The following KLF7 variants were observed in gnomAD, a reference collection of about 807,000 sequenced individuals.
KLF7 encodes KLF transcription factor 7.
Under a neutral mutation model 27.3 loss-of-function variants are expected in KLF7, and 2 were observed. The ratio of observed to expected loss-of-function variants is 0.07; its 90% CI spans 0.03 to 0.23. The LOEUF (loss-of-function observed/expected upper bound fraction) is 0.23. Among genes scored for constraint, KLF7 ranks in the 10% least tolerant of loss-of-function variants. The pLI is 1.00. For synonymous variants in KLF7, 165 were observed against 162.4 expected, an observed-to-expected ratio of 1.02 and a Z score of -0.12; for missense variants, 221 against 394.1, an observed-to-expected ratio of 0.56 and a Z score of 3.72.
chr2:207,139,630 C>T (rs2077884325), intron 1 of KLF7, among the ~76,000 whole-genome samples: 1 of 152,144 alleles, frequency 6.6e-6, no homozygotes, highest in Admixed American at 6.5e-5. Context: ...AAGTTGGAAA[C>T]CATCAGATCC....
chr2:207,135,702 A>G lies in KLF7; in HGVS notation c.103-11298T>C, dbSNP rs114814559. ...AGCCAGAAATTCTTCCTTCTTCACC[A>G]AAGGAACATCAGAAGCAGTGTGCAT... is the stretch of plus-strand genomic sequence containing the variant. On this transcript the variant is annotated intron_variant, in intron 1 of 3. Coordinates refer to ENST00000309446, the MANE Select transcript of KLF7 (RefSeq NM_003709.4). Among the ~76,000 whole-genome samples the G allele has an allele frequency of 4.8e-3, 735 of 152,346 alleles. 2 individuals are homozygous for G. Among genetic ancestry groups the G allele is most frequent in the African/African-American group, 0.015 (628 of 41,574 alleles).
At chr2:207,162,909 ACC>A (rs1321676773) in intron 1 of KLF7, among the ~76,000 whole-genome samples, 1 of 152,220 alleles carries the variant, frequency 6.6e-6, no homozygotes, top group Non-Finnish European at 1.5e-5. Flanking sequence ...AAATCTGATT[ACC>A]CCAGAGCATA....
At chr2:207,094,781 G>T (rs968792164) in intron 2 of KLF7, among the ~76,000 whole-genome samples, 1 of 147,194 alleles carries the variant, frequency 6.8e-6, no homozygotes, top group African/African-American at 2.4e-5. Context: ...TTAGATTCCA[G>T]CTGGGTCTTA....
intron 1 of KLF7, among the ~76,000 whole-genome samples, chr2:207,150,267 A>T (rs1448633164): frequency 1.3e-5 from 2 of 152,226 alleles, no homozygotes; most frequent in African/African-American, 4.8e-5. Context: ...TACTTTGCAA[A>T]ATTTAGCTTA....
At chr2:207,149,706 A>G (rs2078189780) in intron 1 of KLF7, among the ~76,000 whole-genome samples, 1 of 152,170 alleles carries the variant, frequency 6.6e-6, no homozygotes, top group Admixed American at 6.5e-5. Context: ...CAACATATTC[A>G]TTTGAAGAGT....
rs545098191 is a variant in KLF7 at position 207,145,837 on chromosome 2, G to A, written c.102+19630C>T. On this transcript the variant is annotated intron_variant, in intron 1 of 3. Coordinates refer to ENST00000309446, the MANE Select transcript of KLF7 (RefSeq NM_003709.4). Reference sequence around the variant, plus strand: ...TAGCACAGTGTGGGGCACACAGAAGGACCCCAGGAAAGGAAGAAAGAGATA... The same window carrying A: ...TAGCACAGTGTGGGGCACACAGAAGAACCCCAGGAAAGGAAGAAAGAGATA... Among the ~76,000 whole-genome samples, 48 of 152,256 alleles carry A rather than the reference G, an allele frequency of 3.2e-4. 1 individual carries two copies. The South Asian group carries it at 9.1e-3, about 29-fold the overall frequency.
chr2:207,138,720 C>A (rs529754523), intron 1 of KLF7, among the ~76,000 whole-genome samples: 19 of 152,298 alleles, frequency 1.2e-4, no homozygotes, highest in South Asian at 2.1e-4. Context: ...TGGCAAGACA[C>A]CAGTGTGACT....
chr2:207,086,241 ATCT>A (rs1317008978), intron 3 of KLF7, among the ~76,000 whole-genome samples: 3 of 152,304 alleles, frequency 2.0e-5, no homozygotes, highest in African/African-American at 7.2e-5. Flanking sequence ...GAAGGTAAAC[ATCT>A]TCTAAGGAAT....
rs2076190122 is a variant in KLF7, at chr2:207,077,182, G to A, written c.*4031C>T. On this transcript the variant is annotated 3_prime_UTR_variant, in exon 4 of 4. Coordinates refer to ENST00000309446, the MANE Select transcript of KLF7 (RefSeq NM_003709.4). ...AAACGAGTCACTGGGTTTTGTTCTTGCAACTTGAGTTTCTTTTGGCTTTGC... is the reference window on the plus strand; with the variant it reads ...AAACGAGTCACTGGGTTTTGTTCTTACAACTTGAGTTTCTTTTGGCTTTGC... 6.6e-6 allele frequency: 1 copy of A among 152,154 alleles called. No individual in the cohort carries two copies. Among genetic ancestry groups the A allele is most frequent in the African/African-American group, 2.4e-5 (1 of 41,418 alleles). The allele number at this position is 152,154 out of a possible 1,614,324, so 9.4% of individuals were successfully genotyped here. A position where few individuals can be genotyped will look rare whatever the true frequency, so the allele number is the denominator to read the frequency against.
At chr2:207,135,806 C>T (rs767911581) in intron 1 of KLF7, among the ~76,000 whole-genome samples, 3 of 151,764 alleles carry the variant, frequency 2.0e-5, no homozygotes, top group Non-Finnish European at 4.4e-5. Flanking sequence ...TTGTCTCTAA[C>T]GTTTTTCATT....
intron 1 of KLF7, among the ~76,000 whole-genome samples, chr2:207,132,700 A>C (rs1407850666): frequency 6.6e-6 from 1 of 152,234 alleles, no homozygotes; most frequent in African/African-American, 2.4e-5. Context: ...AAACAACTCA[A>C]ATCTAAATTA....
At chr2:207,167,867 C>T (rs576740610), upstream of KLF7, among the ~76,000 whole-genome samples, 2 of 152,322 alleles carry the variant, frequency 1.3e-5, no homozygotes, top group African/African-American at 4.8e-5. Flanking sequence ...GTATCTGACA[C>T]TATTAGGTGA....
chr2:207,153,298 T>C (rs2078293155), intron 1 of KLF7, among the ~76,000 whole-genome samples: 1 of 152,172 alleles, frequency 6.6e-6, no homozygotes, highest in Non-Finnish European at 1.5e-5. Context: ...ATCATCTAGT[T>C]AAACACAAAG....
chr2:207,159,026 T>C (rs75467175), intron 1 of KLF7, among the ~76,000 whole-genome samples: 4,477 of 152,226 alleles, frequency 0.029, 97 homozygotes, highest in Middle Eastern at 0.051. Flanking sequence ...TATTTTAGAG[T>C]TGAGGAAACC....
chr2:207,082,667 G>A (rs528939696), intron 3 of KLF7, among the ~76,000 whole-genome samples: 7 of 152,060 alleles, frequency 4.6e-5, no homozygotes, highest in Non-Finnish European at 5.9e-5. Context: ...TGGATCATTC[G>A]CCTGAAACTA....
At position 207,076,974 on chromosome 2, in the gene KLF7, C is replaced by G. The variant is rs766151542; in HGVS notation, c.*4239G>C. ...GCCCTCTTAAGATTTCAAAAAAATT[C>G]TAATAAACTAAAAAATGAACCTGAT... On this transcript the variant is annotated 3_prime_UTR_variant, in exon 4 of 4. Coordinates refer to ENST00000309446, the MANE Select transcript of KLF7 (RefSeq NM_003709.4). The G allele has an allele frequency of 1.3e-5, 2 of 152,166 alleles. No homozygotes were observed. Among genetic ancestry groups the G allele is most frequent in the African/African-American group, 2.4e-5 (1 of 41,438 alleles). 9.4% of individuals were successfully genotyped at this position (152,166 alleles called of 1,614,324 possible). A position where few individuals can be genotyped will look rare whatever the true frequency, so the allele number is the denominator to read the frequency against.
chr2:207,095,245 T>C (rs2105891684), intron 2 of KLF7, among the ~76,000 whole-genome samples: 1 of 152,112 alleles, frequency 6.6e-6, no homozygotes, highest in East Asian at 1.9e-4. Context: ...AGACAGGGTT[T>C]CACCGTGGTA....
chr2:207,113,723 T>C (rs1049921984), intron 2 of KLF7, among the ~76,000 whole-genome samples: 9 of 152,220 alleles, frequency 5.9e-5, no homozygotes, highest in Admixed American at 5.9e-4. Flanking sequence ...GCACACTGTA[T>C]TTAATGCTGA....
At chr2:207,147,854 A>G (rs1430486973) in intron 1 of KLF7, among the ~76,000 whole-genome samples, 3 of 152,228 alleles carry the variant, frequency 2.0e-5, no homozygotes, top group African/African-American at 7.2e-5. Context: ...TGCTGGCCAA[A>G]GTTGTAACAT....
Sources: gnomAD v4.1 joint callset for allele counts (sites outside exome capture counted in the v4.1 genomes callset) on GRCh38, gnomAD v4.1.1 for gene constraint, MANE v1.5 for transcripts, NCBI Gene and HGNC (gene_info 2026-07-23, HGNC 2026-07-21) for gene names.